Variants in SYCP1 observed in about 807,000 individuals in gnomAD.
SYCP1 encodes the protein synaptonemal complex protein 1.
In SYCP1, 64 loss-of-function variants were observed where a neutral mutation model predicts 153.1. The observed-to-expected ratio is 0.42, with a 90% CI of 0.34 to 0.51. The LOEUF is 0.51. SYCP1 is among the 20% of genes least tolerant of loss of function. SYCP1 has a pLI of 0.06. For synonymous variants in SYCP1, 384 were observed against 341.8 expected (o/e 1.12, Z -1.36); for missense variants, 997 against 1,049.0 (o/e 0.95, Z 0.68).
At position 114,913,100 on chromosome 1, in the gene SYCP1, G is replaced by C; in HGVS notation, c.1597G>C (p.Glu533Gln). ...ACTAGAAAACAAAGAGCTCACACAGGAAACAAGTGATATGACCCTAGAACT... is the reference window on the plus strand; with the variant it reads ...ACTAGAAAACAAAGAGCTCACACAGCAAACAAGTGATATGACCCTAGAACT... ...LSLENKELTQ[E>Q]TSDMTLELKN... The change falls in exon 19 of 32, where the codon GAA becomes CAA. Residue 533 changes from glutamate (E) to glutamine (Q), a missense_variant. Glu to Gln is a conservative substitution (Grantham distance 29). Transcript: ENST00000369522. 6.2e-7 allele frequency: 1 copy of C among 1,612,322 alleles called. No homozygotes were observed. The highest frequency in any genetic ancestry group is 8.5e-7 in the Non-Finnish European group (1 of 1,178,972).
At chr1:114,867,871 T>A (rs908119733) in intron 8 of SYCP1, among the ~76,000 whole-genome samples, 1 of 152,094 alleles carries the variant, frequency 6.6e-6, no homozygotes, top group Non-Finnish European at 1.5e-5. Flanking sequence ...TTCTCACCAT[T>A]AAGTATGATA....
intron 20 of SYCP1, among the ~76,000 whole-genome samples, chr1:114,917,448 A>G (rs1115935): frequency 0.057 from 8,627 of 152,254 alleles, 372 homozygotes; most frequent in Non-Finnish European, 0.084. Context: ...TGCTTCAATT[A>G]ACAGAGTGCA....
chr1:114,984,850 A>C lies in SYCP1; in HGVS notation c.2685A>C (p.Ser895=), dbSNP rs1048518303. 4 of 1,439,888 alleles carry C rather than the reference A, an allele frequency of 2.8e-6. No homozygotes were observed. Among genetic ancestry groups the C allele is most frequent in the Non-Finnish European group, 3.7e-6 (4 of 1,077,118 alleles). 89.2% of individuals were successfully genotyped at this position (1,439,888 alleles called of 1,614,324 possible). A position where few individuals can be genotyped will look rare whatever the true frequency, so the allele number is the denominator to read the frequency against. Residue 895 remains serine (S), a synonymous_variant, in exon 30 of 32, where the codon TCA becomes TCC. Coordinates refer to ENST00000369522, the MANE Select transcript of SYCP1 (RefSeq NM_003176.4). ...AFEFDINSDS[S]ETTDLLSMVS... is the part of the protein sequence containing the mutation. ...AATTTGATATTAATTCAGATAGTTC[A>C]GAAACTACTGATCTTTTGGTAAAAA...
At chr1:114,898,194 G>C (rs1198965981) in intron 16 of SYCP1, among the ~76,000 whole-genome samples, 1 of 152,158 alleles carries the variant, frequency 6.6e-6, no homozygotes, top group Non-Finnish European at 1.5e-5. Flanking sequence ...GTGTCTCAGG[G>C]GTGTTGCATG....
chr1:114,910,512 G>A lies in SYCP1; in HGVS notation c.1425+11G>A. The A allele has an allele frequency of 1.4e-6, 2 of 1,471,112 alleles. No individual in the cohort carries two copies. Among genetic ancestry groups the A allele is most frequent in the Non-Finnish European group, 9.1e-7 (1 of 1,098,894 alleles). 91.1% of individuals were successfully genotyped at this position (1,471,112 alleles called of 1,614,324 possible). On this transcript the variant is annotated intron_variant, in intron 17 of 31. Coordinates refer to ENST00000369522, the MANE Select transcript of SYCP1 (RefSeq NM_003176.4). ...CTCCAAGCCAGAGAGGTTTGTTTAA[G>A]GAAACATTTTTATTTTAAATATTTT...
At chr1:114,963,196 T>C (rs1269710459) in intron 27 of SYCP1, among the ~76,000 whole-genome samples, 1 of 152,194 alleles carries the variant, frequency 6.6e-6, no homozygotes, top group African/African-American at 2.4e-5. Flanking sequence ...TTTGAGCCTC[T>C]TGTATTTGGA....
At chr1:114,860,675 T>C (rs1664307704) in intron 7 of SYCP1, 61 bp from the exon 8 acceptor site, 3 of 1,056,040 alleles carry the variant, frequency 2.8e-6, no homozygotes, top group African/African-American at 1.6e-5. Flanking sequence ...TCATAACTTA[T>C]ATATTGTGAT....
intron 9 of SYCP1, among the ~76,000 whole-genome samples, chr1:114,875,424 T>A (rs1459649098): frequency 6.6e-6 from 1 of 152,004 alleles, no homozygotes; most frequent in African/African-American, 2.4e-5. Context: ...TACGCCCGGC[T>A]GATTTTTTGT....
intron 30 of SYCP1, among the ~76,000 whole-genome samples, chr1:114,987,867 GA>G (rs35542720): frequency 2.3e-4 from 34 of 148,216 alleles, no homozygotes; most frequent in East Asian, 7.9e-4. Context: ...CATGGACAAA[GA>G]AAAAAAAACC....
intron 30 of SYCP1, among the ~76,000 whole-genome samples, chr1:114,989,670 A>G (rs553224083): frequency 5.4e-4 from 82 of 152,114 alleles, no homozygotes; most frequent in African/African-American, 1.7e-3. Flanking sequence ...ATGGAAAAAG[A>G]TATTCTGTGC....
At chr1:114,933,396 C>A (rs561335035) in intron 23 of SYCP1, among the ~76,000 whole-genome samples, 10 of 152,102 alleles carry the variant, frequency 6.6e-5, no homozygotes, top group Non-Finnish European at 1.2e-4. Flanking sequence ...CCTATCTGTA[C>A]GTCACCTTCC....
At chr1:114,859,636 C>T (rs1570645064) in intron 6 of SYCP1, 107 bp from the exon 7 acceptor site, 1 of 507,106 alleles carries the variant, frequency 2.0e-6, no homozygotes, top group Non-Finnish European at 2.9e-6. Context: ...GAAAATAATT[C>T]TTTTAGACCA....
intron 23 of SYCP1, among the ~76,000 whole-genome samples, chr1:114,933,002 T>C (rs1335684098): frequency 6.6e-6 from 1 of 152,188 alleles, no homozygotes; most frequent in Non-Finnish European, 1.5e-5. Flanking sequence ...CAGCAGAAAC[T>C]TCGGCAGACT....
At chr1:114,881,241 T>C (rs532690354) in intron 12 of SYCP1, among the ~76,000 whole-genome samples, 1 of 152,206 alleles carries the variant, frequency 6.6e-6, no homozygotes, top group African/African-American at 2.4e-5. Flanking sequence ...GTTTTACCCA[T>C]GTATTTTTTT....
chr1:114,854,385 G>A (rs554393717), upstream of SYCP1, among the ~76,000 whole-genome samples: 16 of 151,714 alleles, frequency 1.1e-4, no homozygotes, highest in African/African-American at 3.6e-4. Flanking sequence ...CAGTCCTCCC[G>A]CCTTGGCCTC....
chr1:114,975,109 G>T (rs966574887), intron 27 of SYCP1, among the ~76,000 whole-genome samples: 2 of 151,638 alleles, frequency 1.3e-5, no homozygotes, highest in African/African-American at 4.8e-5. Flanking sequence ...TATGCCTGTT[G>T]GACATTGTAT....
At position 114,855,530 on chromosome 1, in the gene SYCP1, G is replaced by C; in HGVS notation, c.66G>C (p.Ala22=). The change falls in exon 2 of 32, where the codon GCG becomes GCC. Residue 22 remains alanine (A), a synonymous_variant. Transcript: ENST00000369522. The stretch of plus-strand genomic sequence containing the variant: ...GATCAAGCAGCAGTCAGGTGTCTGC[G>C]GTGAAACCTCAGACCCTGGGAGGCG... ...PPRSSSSQVS[A]VKPQTLGGDS... 1 of 1,610,082 alleles carries C rather than the reference G, an allele frequency of 6.2e-7. No individual in the cohort carries two copies. The highest frequency in any genetic ancestry group is 8.5e-7 in the Non-Finnish European group (1 of 1,177,886).
chr1:114,921,634 G>T (rs979112963), intron 20 of SYCP1, among the ~76,000 whole-genome samples: 9 of 143,282 alleles, frequency 6.3e-5, no homozygotes, highest in Admixed American at 4.2e-4. Context: ...AGTGACAAGA[G>T]TGAGACTCTG....
At chr1:114,947,813 A>C (rs1356232512) in intron 27 of SYCP1, among the ~76,000 whole-genome samples, 22 of 38,108 alleles carry the variant, frequency 5.8e-4, no homozygotes, top group African/African-American at 8.0e-4. Flanking sequence ...CTCCGTCTCA[A>C]AAAAAAAAAA....
Sources: allele counts gnomAD v4.1 joint callset (sites outside exome capture counted in the v4.1 genomes callset), GRCh38; gene constraint gnomAD v4.1.1; transcripts MANE v1.5; gene names NCBI Gene and HGNC (gene_info 2026-07-23, HGNC 2026-07-21).